The following LHCGR variants were observed in gnomAD, a reference collection of about 807,000 sequenced individuals.
LHCGR encodes lutropin-choriogonadotropic hormone receptor.
In LHCGR, 55 loss-of-function variants were observed where a neutral mutation model predicts 60.7. The observed-to-expected ratio is 0.91, with a 90% CI of 0.73 to 1.13. LHCGR has a LOEUF of 1.13. Ranked by LOEUF, LHCGR falls within the 50% of genes most tolerant of loss-of-function variation. The probability of loss-of-function intolerance (pLI) is 0.00; values close to 1 mark genes in which losing one functional copy is unlikely to be tolerated. For synonymous variants in LHCGR, 337 were observed against 316.5 expected, an observed-to-expected ratio of 1.06 and a Z score of -0.69; for missense variants, 862 against 836.0, an observed-to-expected ratio of 1.03 and a Z score of -0.38.
intron 1 of LHCGR, among the ~76,000 whole-genome samples, chr2:48,740,558 G>A (rs994241660): frequency 6.6e-6 from 1 of 152,128 alleles, no homozygotes; most frequent in African/African-American, 2.4e-5. Context: ...AGCCTAACTG[G>A]GAGGCACCCC....
At chr2:48,740,853 C>T (rs964493718) in intron 1 of LHCGR, among the ~76,000 whole-genome samples, 3 of 152,174 alleles carry the variant, frequency 2.0e-5, no homozygotes, top group Admixed American at 6.5e-5. Flanking sequence ...ATGACTTTGA[C>T]GAGCTGAGAG....
intron 6 of LHCGR, among the ~76,000 whole-genome samples, chr2:48,723,179 C>T (rs546885105): frequency 1.2e-3 from 183 of 152,318 alleles, no homozygotes; most frequent in African/African-American, 4.1e-3. Context: ...AGAGCATTCT[C>T]CATTAATGCA....
rs1209521626 is a variant in LHCGR at position 48,725,710 on chromosome 2, C to T, written c.349G>A (p.Gly117Arg). The T allele has an allele frequency of 9.9e-6, 16 of 1,613,334 alleles. No individual in the cohort carries two copies. The highest frequency in any genetic ancestry group is 1.7e-5 in the Admixed American group (1 of 59,982). Residue 117 changes from glycine to arginine, a missense_variant, in exon 4 of 11, where the codon GGA becomes AGA. Physicochemically the swap from Gly to Arg is moderately radical, Grantham distance 125. Coordinates refer to ENST00000294954, the MANE Select transcript of LHCGR (RefSeq NM_000233.4). ...AATCGGGGAAGATTTATAAATGCTC[C>T]GGGCTCAATGTATCTCAGATTTTTG... ...NTKNLRYIEPGAFINLPRLKY... is the reference protein window; with the variant it reads ...NTKNLRYIEPRAFINLPRLKY...
chr2:48,711,753 G>T (rs1345222003), intron 7 of LHCGR, among the ~76,000 whole-genome samples: 2 of 151,962 alleles, frequency 1.3e-5, no homozygotes, highest in Admixed American at 6.6e-5. Context: ...CCCCTGTTCA[G>T]GTGACCTCAG....
chr2:48,749,526 T>G (rs1669859024), intron 1 of LHCGR, among the ~76,000 whole-genome samples: 1 of 152,068 alleles, frequency 6.6e-6, no homozygotes, highest in Non-Finnish European at 1.5e-5. Flanking sequence ...ACCTCAAGTA[T>G]AAGATCAGAA....
In LHCGR at chr2:48,722,844, C is replaced by T. The variant is rs538914060; in HGVS notation, c.536+612G>A. ...TCTCAGAAGATGCTGAAGATCATGG[C>T]TCATAGTTTGAATAGTGAGGCCTTA... On this transcript the variant is annotated intron_variant, in intron 6 of 10. Coordinates refer to ENST00000294954, the MANE Select transcript of LHCGR (RefSeq NM_000233.4). Among the ~76,000 whole-genome samples, 137 of 152,280 alleles carry T rather than the reference C, an allele frequency of 9.0e-4. 1 individual carries two copies. The highest frequency in any genetic ancestry group is 1.8e-3 in the Non-Finnish European group (124 of 68,022).
intron 1 of LHCGR, among the ~76,000 whole-genome samples, chr2:48,737,281 T>C (rs12998409): frequency 0.78 from 119,468 of 152,200 alleles, 47,245 homozygotes; most frequent in African/African-American, 0.89. Flanking sequence ...GCTAGAGCTA[T>C]ATCCTGAATT....
Position 48,698,691 on chromosome 2 carries a change from T to C in LHCGR, c.790A>G (p.Thr264Ala). ...GTGGCCTCCAGGAGATTGACAAATG[T>C]TTCTCTTGATGGCAATTTTTTTAGA... ...YSLKKLPSRE[T>A]FVNLLEATLT... The change falls in exon 9 of 11, where the codon ACA becomes GCA. Residue 264 changes from threonine (T) to alanine (A), a missense_variant. Coordinates refer to ENST00000294954, the MANE Select transcript of LHCGR (RefSeq NM_000233.4). 6.2e-7 allele frequency: 1 copy of C among 1,614,158 alleles called. No homozygotes were observed. Among genetic ancestry groups the C allele is most frequent in the Non-Finnish European group, 8.5e-7 (1 of 1,179,980 alleles).
chr2:48,740,712 CA>C (rs1321925099), intron 1 of LHCGR, among the ~76,000 whole-genome samples: 1 of 151,942 alleles, frequency 6.6e-6, no homozygotes, highest in East Asian at 1.9e-4. Context: ...CATCAAAGAC[CA>C]AAAGTAGATA....
At chr2:48,713,368 C>G (rs1373805700) in intron 7 of LHCGR, among the ~76,000 whole-genome samples, 2 of 152,120 alleles carry the variant, frequency 1.3e-5, no homozygotes. Context: ...GCCCCACAAA[C>G]TTTGTGAATA....
chr2:48,687,795 T>G lies in LHCGR; in HGVS notation c.2002A>C (p.Thr668Pro), dbSNP rs199807908. 16 of 1,614,150 alleles carry G rather than the reference T, an allele frequency of 9.9e-6. No homozygotes were observed. Among genetic ancestry groups the G allele is most frequent in the African/African-American group, 2.7e-5 (2 of 75,052 alleles). The change falls in exon 11 of 11, where the codon ACT (threonine) becomes CCT (proline). Residue 668 changes from threonine (T) to proline (P), a missense_variant. Thr to Pro is a conservative substitution (Grantham distance 38, BLOSUM62 -1). Coordinates refer to ENST00000294954, the MANE Select transcript of LHCGR (RefSeq NM_000233.4). ...AYTSNCKNGF[T>P]GSNKPSQSTL... ...GATTGAGAAGGCTTATTTGATCCAG[T>G]GAAGCCATTTTTGCAGTTGGAGGTG...
chr2:48,745,854 A>G (rs1422159242), intron 1 of LHCGR, among the ~76,000 whole-genome samples: 1 of 151,532 alleles, frequency 6.6e-6, no homozygotes, highest in African/African-American at 2.4e-5. Context: ...AATAATAATA[A>G]ATAAATAAAA....
At chr2:48,724,451 G>A (rs1351504190) in intron 4 of LHCGR, among the ~76,000 whole-genome samples, 3 of 152,094 alleles carry the variant, frequency 2.0e-5, no homozygotes, top group Admixed American at 1.3e-4. Flanking sequence ...TGTCACCCTC[G>A]TGACAATGAA....
At chr2:48,737,356 C>A (rs1461019782) in intron 1 of LHCGR, among the ~76,000 whole-genome samples, 1 of 151,898 alleles carries the variant, frequency 6.6e-6, no homozygotes, top group East Asian at 1.9e-4. Context: ...AGCTTTTTTG[C>A]CTAATGAACT....
chr2:48,743,701 A>G lies in LHCGR; in HGVS notation c.161+11810T>C, dbSNP rs987350131. Among the ~76,000 whole-genome samples the G allele has an allele frequency of 7.6e-4, 116 of 152,286 alleles. 1 individual carries two copies. Among genetic ancestry groups the G allele is most frequent in the Admixed American group, 3.2e-3 (49 of 15,290 alleles). ...TATTGATGGGACGTATCTCAAAATAATAAGAGCTATCTATGACAAACCCAC... is the reference window on the plus strand; with the variant it reads ...TATTGATGGGACGTATCTCAAAATAGTAAGAGCTATCTATGACAAACCCAC... On this transcript the variant is annotated intron_variant, in intron 1 of 10. Coordinates refer to ENST00000294954, the MANE Select transcript of LHCGR (RefSeq NM_000233.4).
intron 6 of LHCGR, among the ~76,000 whole-genome samples, chr2:48,717,163 G>T (rs1301172644): frequency 1.3e-5 from 2 of 152,216 alleles, no homozygotes; most frequent in East Asian, 3.9e-4. Flanking sequence ...ATGAAGAAAA[G>T]ATAGCCCTTG....
rs114078215 is a variant in LHCGR, at chr2:48,694,486, T to C, written c.867-182A>G. On this transcript the variant is annotated intron_variant, in intron 9 of 10. Transcript: ENST00000294954. Reference sequence around the variant, plus strand: ...AGAGTAAAGGCTTCTGAATTGTCATTAGAGTGCTTCCAGCTTAGATAAAAT... The same window carrying C: ...AGAGTAAAGGCTTCTGAATTGTCATCAGAGTGCTTCCAGCTTAGATAAAAT... 9.5e-4 allele frequency among the ~76,000 whole-genome samples: 144 copies of C among 152,312 alleles called. 3 individuals carry two copies. Among genetic ancestry groups the C allele is most frequent in the African/African-American group, 3.2e-3 (135 of 41,576 alleles).
intron 8 of LHCGR, among the ~76,000 whole-genome samples, chr2:48,703,569 G>A (rs148036308): frequency 0.012 from 1,895 of 152,254 alleles, 21 homozygotes; most frequent in Non-Finnish European, 0.021. Flanking sequence ...TTGTTGAGCA[G>A]TGGTTTGTAG....
At chr2:48,712,129 C>G (rs1668023231) in intron 7 of LHCGR, among the ~76,000 whole-genome samples, 1 of 151,990 alleles carries the variant, frequency 6.6e-6, no homozygotes, top group Non-Finnish European at 1.5e-5. Context: ...TCAAAGCCCA[C>G]CTTTCTCAGA....
Sources: gnomAD v4.1 joint callset for allele counts (sites outside exome capture counted in the v4.1 genomes callset) on GRCh38, gnomAD v4.1.1 for gene constraint, MANE v1.5 for transcripts, NCBI Gene and HGNC (gene_info 2026-07-23, HGNC 2026-07-21) for gene names.